The following MAP4K5 variants were observed in gnomAD, a reference collection of about 807,000 sequenced individuals.
MAP4K5 encodes MAPK/ERK kinase kinase kinase 5.
Under a neutral mutation model 135.6 loss-of-function variants are expected in MAP4K5, and 82 were observed. The observed-to-expected ratio is 0.60, with a 90% confidence interval of 0.51 to 0.73. The LOEUF (loss-of-function observed/expected upper bound fraction) is 0.73. Among genes scored for constraint, MAP4K5 ranks in the 30% least tolerant of loss-of-function variants. MAP4K5 has a pLI of 0.00. For missense variants in MAP4K5, 907 were observed against 1,010.9 expected (o/e 0.90, Z 1.39); for synonymous variants, 347 against 335.0 (o/e 1.04, Z -0.39).
rs1595473541 is a variant in MAP4K5, at chr14:50,466,432, G to A, written c.737+151C>T. 4 of 333,978 alleles carry A rather than the reference G, an allele frequency of 1.2e-5. No homozygotes were observed. The East Asian group carries it at 2.1e-4, about 17-fold the overall frequency. 20.7% of individuals were successfully genotyped at this position (333,978 alleles called of 1,614,324 possible). On this transcript the variant is annotated intron_variant, in intron 11 of 32. Coordinates refer to ENST00000682126, the MANE Select transcript of MAP4K5 (RefSeq NM_006575.6). Reference sequence around the variant, plus strand: ...TACCAGAAAATAAATCTAGATCCTTGCCATAGGTCTGCAAGCAAATCAGCT... The same window carrying A: ...TACCAGAAAATAAATCTAGATCCTTACCATAGGTCTGCAAGCAAATCAGCT...
At chr14:50,512,112 G>A (rs1410193910) in intron 2 of MAP4K5, among the ~76,000 whole-genome samples, 1 of 152,042 alleles carries the variant, frequency 6.6e-6, no homozygotes, top group East Asian at 1.9e-4. Flanking sequence ...AACGCAAGAT[G>A]TTAATAAAAG....
Position 50,443,981 on chromosome 14 carries a change from T to G in MAP4K5, c.1395A>C (p.Gln465His). 6.2e-7 allele frequency: 1 copy of G among 1,609,492 alleles called. No individual in the cohort carries two copies. The highest frequency in any genetic ancestry group is 8.5e-7 in the Non-Finnish European group (1 of 1,177,622). The part of the protein sequence containing the change: ...LMSENTEGSA[Q>H]APQLPRKKDK... Reference sequence around the variant, plus strand: ...CCTTTTTTCGTGGTAACTGTGGTGCTTGTGCTGATCCTTCTGTATTTTCAC... The same window carrying G: ...CCTTTTTTCGTGGTAACTGTGGTGCGTGTGCTGATCCTTCTGTATTTTCAC... The change falls in exon 19 of 33, where the codon CAA becomes CAC. Residue 465 changes from glutamine (Q) to histidine (H), a missense_variant. Around this residue, in one of 3 missense-constraint regions of MAP4K5, gnomAD observed 690 missense variants for 777.4 expected, o/e 0.89. Transcript: ENST00000682126.
intron 2 of MAP4K5, among the ~76,000 whole-genome samples, chr14:50,537,815 C>G (rs993245646): frequency 2.6e-5 from 4 of 152,172 alleles, no homozygotes; most frequent in African/African-American, 9.7e-5. Flanking sequence ...CTGTAGTTAC[C>G]CAATGCCTGT....
At chr14:50,449,664 C>T (rs935066668) in intron 14 of MAP4K5, 2 of 152,034 alleles carry the variant, frequency 1.3e-5, no homozygotes, top group Admixed American at 1.3e-4. Context: ...AACAGTATGT[C>T]ATAAATTTTT....
intron 13 of MAP4K5, among the ~76,000 whole-genome samples, chr14:50,460,329 C>A (rs544193990): frequency 6.6e-6 from 1 of 152,240 alleles, no homozygotes; most frequent in Non-Finnish European, 1.5e-5. Context: ...GCCCCCCCAA[C>A]TGCCTGGCAC....
rs189579011 is a variant in MAP4K5 at position 50,460,864 on chromosome 14, C to T, written c.936+1801G>A. Among the ~76,000 whole-genome samples the T allele has an allele frequency of 8.3e-4, 125 of 151,412 alleles. 1 individual carries two copies. The highest frequency in any genetic ancestry group is 2.8e-3 in the African/African-American group (117 of 41,098). On this transcript the variant is annotated intron_variant, in intron 13 of 32. Coordinates refer to ENST00000682126, the MANE Select transcript of MAP4K5 (RefSeq NM_006575.6). The stretch of plus-strand genomic sequence containing the variant: ...AATCCTGGTTCCATTTCCTATTGGC[C>T]ATATGATGCTGGGCAAATTACTTTC...
chr14:50,495,342 A>T (rs2037569770), intron 3 of MAP4K5, among the ~76,000 whole-genome samples: 1 of 152,222 alleles, frequency 6.6e-6, no homozygotes, highest in Non-Finnish European at 1.5e-5. Context: ...CATTAATCAG[A>T]GAAACTCAAA....
intron 2 of MAP4K5, among the ~76,000 whole-genome samples, chr14:50,526,842 T>C (rs1479675991): frequency 2.6e-5 from 4 of 152,176 alleles, no homozygotes; most frequent in Non-Finnish European, 4.4e-5. Flanking sequence ...AGTAAAGGCA[T>C]ACATAAAGGA....
chr14:50,514,438 A>G (rs1450840984), intron 2 of MAP4K5, among the ~76,000 whole-genome samples: 1 of 152,200 alleles, frequency 6.6e-6, no homozygotes, highest in Admixed American at 6.5e-5. Flanking sequence ...AATACTTACT[A>G]TGTGCCAGGT....
At chr14:50,550,113 G>A (rs2038683134) in intron 1 of MAP4K5, among the ~76,000 whole-genome samples, 1 of 152,178 alleles carries the variant, frequency 6.6e-6, no homozygotes, top group Non-Finnish European at 1.5e-5. Flanking sequence ...TTTGAGGGAG[G>A]TCTGAGAGCC....
chr14:50,498,225 C>CA (rs2037635092), intron 3 of MAP4K5, among the ~76,000 whole-genome samples: 1 of 152,076 alleles, frequency 6.6e-6, no homozygotes. Flanking sequence ...GATGTCTAAT[C>CA]AAAGAGATGA....
At chr14:50,471,865 A>G in intron 9 of MAP4K5, 1 of 152,244 alleles carries the variant, frequency 6.6e-6, no homozygotes, top group African/African-American at 2.4e-5. Context: ...TTTCTGCTCC[A>G]TGTGAAGACA....
intron 5 of MAP4K5, among the ~76,000 whole-genome samples, chr14:50,485,059 C>T (rs2037334347): frequency 6.6e-6 from 1 of 151,728 alleles, no homozygotes; most frequent in South Asian, 2.1e-4. Context: ...ACAGTAGAGC[C>T]AAAACAAAAC....
At chr14:50,493,849 G>A (rs1056184133) in intron 3 of MAP4K5, among the ~76,000 whole-genome samples, 2 of 151,768 alleles carry the variant, frequency 1.3e-5, no homozygotes, top group Admixed American at 6.6e-5. Context: ...TTAGCTGGGC[G>A]TGGTGGTGGG....
Position 50,429,874 on chromosome 14 carries a change from T to A in MAP4K5, c.2165-614A>T, listed in dbSNP as rs532368185. Reference sequence around the variant, plus strand: ...TTGCTGATATTTAAAGGGCTGCTTCTAACATCTGCTGATAGATGTAATAAC... The same window carrying A: ...TTGCTGATATTTAAAGGGCTGCTTCAAACATCTGCTGATAGATGTAATAAC... On this transcript the variant is annotated intron_variant, in intron 28 of 32. Transcript: ENST00000682126. 3.6e-4 allele frequency among the ~76,000 whole-genome samples: 55 copies of A among 152,330 alleles called. No homozygotes were observed. In the South Asian group the frequency reaches 0.011, roughly 31 times the overall value.
At chr14:50,426,792 T>C (rs2035857747) in intron 30 of MAP4K5, among the ~76,000 whole-genome samples, 1 of 152,156 alleles carries the variant, frequency 6.6e-6, no homozygotes, top group South Asian at 2.1e-4. Context: ...TAACCACACA[T>C]TGAATATTTA....
At chr14:50,520,932 C>G (rs935410477) in intron 2 of MAP4K5, among the ~76,000 whole-genome samples, 1 of 151,894 alleles carries the variant, frequency 6.6e-6, no homozygotes, top group Non-Finnish European at 1.5e-5. Context: ...AGTGATTCTC[C>G]CACTTCCAGC....
Position 50,462,664 on chromosome 14 carries a change from C to T in MAP4K5, c.936+1G>A, listed in dbSNP as rs778106042. 2 of 1,593,220 alleles carry T rather than the reference C, an allele frequency of 1.3e-6. No homozygotes were observed. The highest frequency in any genetic ancestry group is 1.8e-5 in the Admixed American group (1 of 57,116). On this transcript the variant is annotated splice_donor_variant, in intron 13 of 32. Coordinates refer to ENST00000682126, the MANE Select transcript of MAP4K5 (RefSeq NM_006575.6). LOFTEE classifies it high-confidence loss of function. The stretch of plus-strand genomic sequence containing the variant: ...CTATGAGACTGCAAACACTTCCTTA[C>T]CTCAAAGTCATCGTCATCTGCTTCA...
At chr14:50,471,575 C>T (rs1269203286) in intron 9 of MAP4K5, among the ~76,000 whole-genome samples, 2 of 151,970 alleles carry the variant, frequency 1.3e-5, no homozygotes, top group African/African-American at 4.8e-5. Flanking sequence ...GGAGAAAAAC[C>T]TCATAAATGT....
Sources: allele counts gnomAD v4.1 joint callset (sites outside exome capture counted in the v4.1 genomes callset), GRCh38; gene constraint gnomAD v4.1.1; regional missense constraint gnomAD v4.1.1; transcripts MANE v1.5; gene names NCBI Gene and HGNC (gene_info 2026-07-23, HGNC 2026-07-21).